The following CRYBG3 variants were observed in gnomAD, a reference collection of about 807,000 sequenced individuals.
The protein encoded by CRYBG3 is very large A-kinase anchor protein.
A neutral mutation model predicts 244.2 loss-of-function variants in CRYBG3; 127 were observed. That is an observed-to-expected ratio of 0.52 (90% CI 0.45 to 0.60). CRYBG3 has a LOEUF of 0.60. Ranked by LOEUF, CRYBG3 falls within the 20% of genes least tolerant of loss-of-function variation. The pLI is 0.00. For synonymous variants in CRYBG3, 1,132 were observed against 1,195.8 expected, an observed-to-expected ratio of 0.95 and a Z score of 1.10; for missense variants, 3,325 against 3,442.5, an observed-to-expected ratio of 0.97 and a Z score of 0.85.
In CRYBG3 at chr3:97,877,436, A is replaced by G. The variant is rs376235908; in HGVS notation, c.6242A>G (p.Tyr2081Cys). 30 of 1,614,058 alleles carry G rather than the reference A, an allele frequency of 1.9e-5. No individual in the cohort carries two copies. Among genetic ancestry groups the G allele is most frequent in the Non-Finnish European group, 2.1e-5 (25 of 1,180,018 alleles). The change falls in exon 4 of 22, where the codon TAT becomes TGT. Residue 2081 changes from tyrosine (Y) to cysteine (C), a missense_variant. By Grantham distance (194) the Tyr-to-Cys change is radical. This residue lies in a region of CRYBG3 where 450 missense variants were observed against 424.1 expected (regional missense o/e 1.06). Transcript: ENST00000389622. ...GTGGAGGCCAAAAGGTACAAAATTT[A>G]TCCTTTAGCATTGTCTCCCATTTAT... The part of the protein sequence containing the change: ...LSVEAKRYKI[Y>C]PLALSPIYED...
chr3:97,901,785 G>A (rs2039709463), intron 15 of CRYBG3, among the ~76,000 whole-genome samples: 1 of 151,916 alleles, frequency 6.6e-6, no homozygotes, highest in Non-Finnish European at 1.5e-5. Context: ...TTCCTTGTTT[G>A]GGGCAGATTG....
At chr3:97,881,838 TA>T (rs1162555642) in intron 7 of CRYBG3, among the ~76,000 whole-genome samples, 1 of 152,150 alleles carries the variant, frequency 6.6e-6, no homozygotes, top group Non-Finnish European at 1.5e-5. Context: ...AATAGTATAC[TA>T]TACACTATAC....
chr3:97,874,677 A>G lies in CRYBG3; in HGVS notation c.3483A>G (p.Ala1161=). 1 of 1,535,950 alleles carries G rather than the reference A, an allele frequency of 6.5e-7. No homozygotes were observed. The highest frequency in any genetic ancestry group is 1.2e-5 in the South Asian group (1 of 84,036). ...EAETGAVAGP[A]ASVNSSGQQC... ...AGACTGGAGCAGTTGCTGGGCCTGC[A>G]GCGTCAGTTAACAGCTCAGGCCAAC... is the stretch of plus-strand genomic sequence containing the variant. Residue 1161 remains alanine (A), a synonymous_variant, in exon 4 of 22, where the codon GCA becomes GCG. Transcript: ENST00000389622.
chr3:97,864,346 C>A lies in CRYBG3; in HGVS notation c.346C>A (p.Gln116Lys). Residue 116 changes from glutamine to lysine, a missense_variant, in exon 3 of 22, where the codon CAG becomes AAG. Physicochemically the swap from Gln to Lys is moderately conservative, Grantham distance 53 (BLOSUM62 1). Coordinates refer to ENST00000389622, the MANE Select transcript of CRYBG3 (RefSeq NM_153605.4). The stretch of plus-strand genomic sequence containing the variant: ...TACCAAAATAGGAGAAAGTGACAGA[C>A]AGCCAAAAGAAAGCTTTTTTCAGTT... ...SDTKIGESDR[Q>K]PKESFFQFLG... 6.5e-7 allele frequency: 1 copy of A among 1,535,876 alleles called. No homozygotes were observed. The highest frequency in any genetic ancestry group is 8.7e-7 in the Non-Finnish European group (1 of 1,146,788).
At position 97,892,921 on chromosome 3, in the gene CRYBG3, A is replaced by G; in HGVS notation, c.7502A>G (p.Asp2501Gly). The change falls in exon 11 of 22, where the codon GAT becomes GGT. Residue 2501 changes from aspartate (D) to glycine (G), a missense_variant. By Grantham distance (94) the Asp-to-Gly change is moderately conservative. This residue lies in a region of CRYBG3 where 714 missense variants were observed against 803.6 expected (regional missense o/e 0.89). Coordinates refer to ENST00000389622, the MANE Select transcript of CRYBG3 (RefSeq NM_153605.4). The stretch of plus-strand genomic sequence containing the variant: ...GCTAAAGAGTTTAGTGAACATATAG[A>G]TTCTGTTCCTAATTTTTTGAAAAAT... ...GQAKEFSEHI[D>G]SVPNFLKNNG... is the part of the protein sequence containing the mutation. 6.3e-7 allele frequency: 1 copy of G among 1,584,744 alleles called. No individual in the cohort carries two copies.
chr3:97,828,976 G>T (rs1025745403), intron 1 of CRYBG3, among the ~76,000 whole-genome samples: 2 of 152,050 alleles, frequency 1.3e-5, no homozygotes, highest in East Asian at 3.8e-4. Context: ...ACTTATTTTG[G>T]GGGTATGGGG....
intron 15 of CRYBG3, among the ~76,000 whole-genome samples, chr3:97,911,653 G>T (rs1300668827): frequency 6.6e-6 from 1 of 152,176 alleles, no homozygotes; most frequent in Non-Finnish European, 1.5e-5. Flanking sequence ...GGCACTCTTA[G>T]TGCTTGCTTA....
At chr3:97,887,287 C>G (rs2039519769) in intron 8 of CRYBG3, among the ~76,000 whole-genome samples, 1 of 152,186 alleles carries the variant, frequency 6.6e-6, no homozygotes, top group Non-Finnish European at 1.5e-5. Context: ...GGTCTAAGTT[C>G]AGTCTTAGTT....
At chr3:97,933,583 T>A in intron 17 of CRYBG3, 111 bp from the exon 18 acceptor site, 1 of 1,051,746 alleles carries the variant, frequency 9.5e-7, no homozygotes, top group Non-Finnish European at 1.5e-6. Context: ...AGTAAAACAG[T>A]AAACTCCATG....
At chr3:97,937,137 T>G (rs138530892) in intron 19 of CRYBG3, among the ~76,000 whole-genome samples, 53 of 152,248 alleles carry the variant, frequency 3.5e-4, no homozygotes, top group African/African-American at 1.3e-3. Flanking sequence ...CCATGTTCAC[T>G]TTTCGTGGAA....
intron 3 of CRYBG3, chr3:97,867,072 G>A (rs2108207434): frequency 6.6e-6 from 1 of 152,296 alleles, no homozygotes; most frequent in East Asian, 1.9e-4. Flanking sequence ...CAGCACTTTG[G>A]GAGGCCGAGG....
chr3:97,859,535 G>A (rs2039115754), intron 2 of CRYBG3, among the ~76,000 whole-genome samples: 1 of 152,160 alleles, frequency 6.6e-6, no homozygotes, highest in South Asian at 2.1e-4. Context: ...GCCCATAATA[G>A]TATCTTGTTG....
intron 1 of CRYBG3, chr3:97,836,929 A>G (rs1016746524): frequency 3.3e-5 from 5 of 152,044 alleles, no homozygotes; most frequent in African/African-American, 1.2e-4. Flanking sequence ...TTTCCCACTC[A>G]TTCTTCTGTT....
chr3:97,899,940 A>T (rs1156980844), intron 14 of CRYBG3, among the ~76,000 whole-genome samples: 2 of 152,232 alleles, frequency 1.3e-5, no homozygotes, highest in Non-Finnish European at 2.9e-5. Flanking sequence ...TTCCACCTAC[A>T]ATATTACTTA....
At chr3:97,830,947 G>C (rs1409804578) in intron 1 of CRYBG3, among the ~76,000 whole-genome samples, 1 of 152,094 alleles carries the variant, frequency 6.6e-6, no homozygotes, top group African/African-American at 2.4e-5. Context: ...GAGTCTGGAG[G>C]CTTCTCTTTT....
At chr3:97,824,786 A>T (rs752253371) in intron 1 of CRYBG3, among the ~76,000 whole-genome samples, 9 of 152,188 alleles carry the variant, frequency 5.9e-5, no homozygotes, top group Non-Finnish European at 8.8e-5. Flanking sequence ...AATTTATTTT[A>T]GATGATAAAA....
chr3:97,891,227 C>T (rs898263095), intron 10 of CRYBG3, among the ~76,000 whole-genome samples: 8 of 151,982 alleles, frequency 5.3e-5, no homozygotes, highest in African/African-American at 7.2e-5. Context: ...ATTAAAATTC[C>T]GAACACAGGG....
Position 97,936,649 on chromosome 3 carries a change from T to G in CRYBG3, c.8382-136T>G, listed in dbSNP as rs1232610251. On this transcript the variant is annotated intron_variant, in intron 18 of 21. Transcript: ENST00000389622. ...TCTCCTATACCTCCCTGATTTTTGT[T>G]AGGAAAAAATGTGCAATTTTAAAAG... The G allele has an allele frequency of 1.2e-5, 10 of 833,248 alleles. No homozygotes were observed. The Admixed American group carries it at 2.7e-4, about 22-fold the overall frequency. The allele number at this position is 833,248 out of a possible 1,614,324, so 51.6% of individuals were successfully genotyped here.
intron 1 of CRYBG3, among the ~76,000 whole-genome samples, chr3:97,825,478 A>G (rs1369430279): frequency 2.6e-5 from 4 of 152,106 alleles, no homozygotes; most frequent in Non-Finnish European, 1.5e-5. Context: ...TAAATCTCAC[A>G]CTCAGTGTGA....
Sources: allele counts gnomAD v4.1 joint callset (sites outside exome capture counted in the v4.1 genomes callset), GRCh38; gene constraint gnomAD v4.1.1; regional missense constraint gnomAD v4.1.1; transcripts MANE v1.5; gene names NCBI Gene and HGNC (gene_info 2026-07-23, HGNC 2026-07-21).